Variants in CAST observed in about 807,000 individuals in gnomAD.
The protein encoded by CAST is MIR583 host.
A neutral mutation model predicts 119.6 loss-of-function variants in CAST; 76 were observed. The observed-to-expected ratio is 0.64, with a 90% CI of 0.53 to 0.77. The LOEUF (loss-of-function observed/expected upper bound fraction) is 0.77, where lower values mean the gene tolerates loss of function less well. Among genes scored for constraint, CAST ranks in the 30% least tolerant of loss-of-function variants. The pLI is 0.00. For missense variants in CAST, 953 were observed against 946.5 expected, an observed-to-expected ratio of 1.01 and a Z score of -0.09; for synonymous variants, 319 against 331.6, an observed-to-expected ratio of 0.96 and a Z score of 0.41.
intron 1 of CAST, among the ~76,000 whole-genome samples, chr5:96,624,776 C>G (rs1747687989): frequency 6.6e-6 from 1 of 152,176 alleles, no homozygotes; most frequent in Non-Finnish European, 1.5e-5. Flanking sequence ...CAACAGGTTT[C>G]CCATAGGGCA....
At chr5:95,991,097 A>G in the CAST span, among the ~76,000 whole-genome samples, 1 of 152,212 alleles carries the variant, frequency 6.6e-6, no homozygotes, top group Non-Finnish European at 1.5e-5. Context: ...ATTACCATCA[A>G]AAATTTATTG....
intron 2 of CAST, among the ~76,000 whole-genome samples, chr5:96,677,633 A>G (rs1010578254): frequency 6.6e-6 from 1 of 152,172 alleles, no homozygotes; most frequent in Non-Finnish European, 1.5e-5. Flanking sequence ...TTTCTGGTAA[A>G]TTCACATTCA....
At chr5:96,496,067 T>C in the CAST span, among the ~76,000 whole-genome samples, 4 of 152,196 alleles carry the variant, frequency 2.6e-5, no homozygotes, top group Non-Finnish European at 4.4e-5. Context: ...TGGCTGGTCA[T>C]AAAATTTGAA....
At chr5:96,117,455 T>C in the CAST span, among the ~76,000 whole-genome samples, 2 of 152,184 alleles carry the variant, frequency 1.3e-5, no homozygotes, top group Non-Finnish European at 1.5e-5. Flanking sequence ...GGAAACCTTT[T>C]AAAGCTGGTA....
intron 2 of CAST, among the ~76,000 whole-genome samples, chr5:96,681,732 C>CAA (rs70981836): frequency 0.027 from 2,395 of 89,244 alleles, 53 homozygotes; most frequent in African/African-American, 0.056. Flanking sequence ...GACTCCGTCT[C>CAA]AAAAAAAAAA....
At chr5:96,296,041 TTA>T in the CAST span, among the ~76,000 whole-genome samples, 3 of 152,198 alleles carry the variant, frequency 2.0e-5, no homozygotes, top group Non-Finnish European at 2.9e-5. Context: ...ACTTTTATAA[TTA>T]GAGAGAATAT....
At chr5:96,313,080 A>G in the CAST span, among the ~76,000 whole-genome samples, 1 of 152,152 alleles carries the variant, frequency 6.6e-6, no homozygotes, top group Non-Finnish European at 1.5e-5. Flanking sequence ...AAAAGGATAA[A>G]GATCAAAAGC....
At chr5:96,044,011 A>C in the CAST span, among the ~76,000 whole-genome samples, 8 of 152,268 alleles carry the variant, frequency 5.3e-5, no homozygotes, top group African/African-American at 1.9e-4. Context: ...GAAGGAATAA[A>C]TGTATAGCAA....
the CAST span, among the ~76,000 whole-genome samples, chr5:96,296,789 T>A: frequency 0.02 from 2,972 of 152,274 alleles, 101 homozygotes; most frequent in African/African-American, 0.068. Context: ...TACTGCAGGT[T>A]TGGAGGAAAA....
At chr5:96,418,890 C>T in the CAST span, among the ~76,000 whole-genome samples, 1 of 152,096 alleles carries the variant, frequency 6.6e-6, no homozygotes, top group African/African-American at 2.4e-5. Flanking sequence ...CTGCTCCCAT[C>T]GGATGATATT....
the CAST span, among the ~76,000 whole-genome samples, chr5:96,436,460 T>A: frequency 1.3e-5 from 2 of 152,258 alleles, no homozygotes; most frequent in African/African-American, 4.8e-5. Flanking sequence ...TATAAGTTTT[T>A]ATCTGAAGTT....
At chr5:96,647,933 A>G (rs1748039287) in intron 1 of CAST, among the ~76,000 whole-genome samples, 1 of 152,250 alleles carries the variant, frequency 6.6e-6, no homozygotes, top group Admixed American at 6.5e-5. Context: ...AAAGTGAAAA[A>G]GACTCCAGTT....
chr5:96,264,226 G>A, the CAST span, among the ~76,000 whole-genome samples: 1 of 152,100 alleles, frequency 6.6e-6, no homozygotes, highest in African/African-American at 2.4e-5. Context: ...GAGTCTTAGC[G>A]CAATATTCAC....
the CAST span, among the ~76,000 whole-genome samples, chr5:96,409,752 G>A: frequency 4.6e-5 from 7 of 152,178 alleles, no homozygotes; most frequent in Non-Finnish European, 8.8e-5. Context: ...AAATGTGCCT[G>A]CCATAAAACC....
intron 1 of CAST, among the ~76,000 whole-genome samples, chr5:96,560,372 A>C (rs1239909621): frequency 4.6e-5 from 7 of 151,888 alleles, no homozygotes; most frequent in Admixed American, 1.3e-4. Context: ...TAATTAAACT[A>C]AAGAGCTTCT....
chr5:96,109,611 G>A, the CAST span, among the ~76,000 whole-genome samples: 1 of 152,178 alleles, frequency 6.6e-6, no homozygotes, highest in Non-Finnish European at 1.5e-5. Context: ...GAGCAGGAGT[G>A]GGGGTGATGT....
chr5:96,301,384 C>T, the CAST span, among the ~76,000 whole-genome samples: 1 of 151,998 alleles, frequency 6.6e-6, no homozygotes, highest in Admixed American at 6.6e-5. Context: ...TGCCCCTGGC[C>T]CCTCCCAAAT....
At chr5:96,499,467 A>G in the CAST span, among the ~76,000 whole-genome samples, 1 of 152,254 alleles carries the variant, frequency 6.6e-6, no homozygotes, top group Non-Finnish European at 1.5e-5. Context: ...GATGCTAACA[A>G]TTATCTGAGC....
At chr5:96,326,012 G>T in the CAST span, among the ~76,000 whole-genome samples, 2 of 152,028 alleles carry the variant, frequency 1.3e-5, no homozygotes, top group Non-Finnish European at 2.9e-5. Context: ...ATTCCCAACG[G>T]AATACCTTGT....
Sources: allele counts gnomAD v4.1 joint callset (sites outside exome capture counted in the v4.1 genomes callset), GRCh38; gene constraint gnomAD v4.1.1; transcripts MANE v1.5; gene names NCBI Gene and HGNC (gene_info 2026-07-23, HGNC 2026-07-21).